The following URGCP variants were observed in gnomAD, a reference collection of about 807,000 sequenced individuals.
URGCP encodes upregulator of cell proliferation.
URGCP carries 13 observed loss-of-function variants against 24.6 expected under a neutral mutation model. The observed-to-expected ratio is 0.53, with a 90% CI of 0.34 to 0.84. The LOEUF is 0.84. URGCP is among the 40% of genes least tolerant of loss of function. The probability of loss-of-function intolerance (pLI) is 0.01; values close to 1 mark genes in which losing one functional copy is unlikely to be tolerated. For synonymous variants in URGCP, 444 were observed against 487.2 expected, an observed-to-expected ratio of 0.91 and a Z score of 1.17; for missense variants, 899 against 1,194.3, an observed-to-expected ratio of 0.75 and a Z score of 3.64.
chr7:43,886,710 G>A (rs1470099140), intron 3 of URGCP, among the ~76,000 whole-genome samples: 4 of 152,062 alleles, frequency 2.6e-5, no homozygotes, highest in South Asian at 2.1e-4. Context: ...CTGAGATCGC[G>A]CCACTGCATT....
chr7:43,882,958 G>A (rs1421173079), intron 3 of URGCP, among the ~76,000 whole-genome samples: 7 of 152,112 alleles, frequency 4.6e-5, no homozygotes, highest in Admixed American at 2.0e-4. Context: ...AGGAATTTTT[G>A]TAATCACTTA....
At chr7:43,902,999 G>A (rs530995745) in intron 1 of URGCP, among the ~76,000 whole-genome samples, 108 of 152,148 alleles carry the variant, frequency 7.1e-4, no homozygotes, top group African/African-American at 2.5e-3. Flanking sequence ...CAAAATGTAG[G>A]TAGACTGGGC....
chr7:43,886,884 C>T (rs776727191), intron 3 of URGCP, among the ~76,000 whole-genome samples: 3 of 152,106 alleles, frequency 2.0e-5, no homozygotes, highest in African/African-American at 4.8e-5. Flanking sequence ...CAAAGGGTGG[C>T]GTTACAGCCC....
At chr7:43,907,838 C>T (rs1023745304), upstream of URGCP, among the ~76,000 whole-genome samples, 4 of 152,182 alleles carry the variant, frequency 2.6e-5, no homozygotes, top group Non-Finnish European at 5.9e-5. Flanking sequence ...AGAATCCAGT[C>T]AATGTTTCTG....
chr7:43,877,768 G>A lies in URGCP; in HGVS notation c.1695C>T (p.Tyr565=), dbSNP rs778668738. Residue 565 remains tyrosine, a synonymous_variant, in exon 6 of 6, where the codon TAC becomes TAT. Coordinates refer to ENST00000453200, the MANE Select transcript of URGCP (RefSeq NM_001077663.3). Reference sequence around the variant, plus strand: ...GGCCCCACTCCATCCACCTCAGGAAGTACTGCTTCTCACTCAAGGAGGGGC... The same window carrying A: ...GGCCCCACTCCATCCACCTCAGGAAATACTGCTTCTCACTCAAGGAGGGGC... ...ISSPSLSEKQ[Y]FLRWMEWGLA... 2 of 1,603,478 alleles carry A rather than the reference G, an allele frequency of 1.2e-6. No individual in the cohort carries two copies. The highest frequency in any genetic ancestry group is 1.7e-6 in the Non-Finnish European group (2 of 1,174,804).
chr7:43,918,633 TG>T, intron 1 of URGCP: 2 of 582,916 alleles, frequency 3.4e-6, no homozygotes, highest in Non-Finnish European at 6.3e-6. Context: ...AGTGGATATC[TG>T]GGGGGCTGGC....
At chr7:43,926,503 G>C (rs975543031), upstream of URGCP, 6 of 1,509,480 alleles carry the variant, frequency 4.0e-6, no homozygotes, top group African/African-American at 5.7e-5. Context: ...GCCCCGGCCG[G>C]GCCGCCCGGG....
chr7:43,897,455 C>G (rs2095880731), intron 1 of URGCP, among the ~76,000 whole-genome samples: 2 of 151,974 alleles, frequency 1.3e-5, no homozygotes, highest in African/African-American at 4.8e-5. Context: ...TACCCAGGGA[C>G]CAACAGGGAG....
upstream of URGCP, among the ~76,000 whole-genome samples, chr7:43,907,417 G>A (rs1156907147): frequency 6.6e-6 from 1 of 152,138 alleles, no homozygotes; most frequent in Non-Finnish European, 1.5e-5. Context: ...AGGATCGATT[G>A]AGCCCAGGAG....
chr7:43,886,332 G>A (rs2095862059), intron 3 of URGCP, among the ~76,000 whole-genome samples: 1 of 151,852 alleles, frequency 6.6e-6, no homozygotes, highest in Admixed American at 6.6e-5. Flanking sequence ...ATATTTTTGT[G>A]GATTTTTGTT....
intron 1 of URGCP, among the ~76,000 whole-genome samples, chr7:43,899,295 T>G (rs2095885280): frequency 6.7e-6 from 1 of 148,734 alleles, no homozygotes; most frequent in Admixed American, 6.7e-5. Context: ...TTTTTTTTTT[T>G]TTTTTTAAGA....
chr7:43,926,585 T>G, upstream of URGCP: 2 of 1,559,458 alleles, frequency 1.3e-6, no homozygotes, highest in Non-Finnish European at 1.7e-6. Context: ...TCCAACTCTT[T>G]GGGTGTCCGA....
rs1218646420 is a variant in URGCP at position 43,879,058 on chromosome 7, C to G, written c.405G>C (p.Val135=). The G allele has an allele frequency of 4.3e-6, 7 of 1,614,086 alleles. No homozygotes were observed. Among genetic ancestry groups the G allele is most frequent in the Non-Finnish European group, 5.9e-6 (7 of 1,180,044 alleles). Residue 135 remains valine, a synonymous_variant, in exon 6 of 6, where the codon GTG becomes GTC. Transcript: ENST00000453200. The part of the protein sequence containing the change: ...LNADARNTTM[V]LDVLPDARPV... ...GCCTGGCGTCTGGGAGCACGTCCAG[C>G]ACCATAGTGGTATTCCTGGCATCAG...
At chr7:43,891,437 T>G (rs917489933) in intron 1 of URGCP, among the ~76,000 whole-genome samples, 1 of 152,068 alleles carries the variant, frequency 6.6e-6, no homozygotes, top group Non-Finnish European at 1.5e-5. Flanking sequence ...AGAAAGCACA[T>G]AAGCTGTAAG....
intron 5 of URGCP, among the ~76,000 whole-genome samples, chr7:43,880,164 C>A (rs2095851652): frequency 6.6e-6 from 1 of 152,100 alleles, no homozygotes; most frequent in Non-Finnish European, 1.5e-5. Flanking sequence ...CTCAAGCAAT[C>A]CACCTGTCTA....
chr7:43,883,337 C>CATATATATAT (rs1215710880), intron 3 of URGCP, among the ~76,000 whole-genome samples: 5 of 105,452 alleles, frequency 4.7e-5, no homozygotes, highest in Middle Eastern at 6.1e-3. Flanking sequence ...TATATATATA[C>CATATATATAT]ATATATATAT....
intron 1 of URGCP, among the ~76,000 whole-genome samples, chr7:43,920,264 A>T (rs772160200): frequency 3.9e-5 from 6 of 152,068 alleles, no homozygotes; most frequent in Non-Finnish European, 8.8e-5. Context: ...AATTTTTTTT[A>T]AAAAGTGGAT....
chr7:43,905,219 G>A (rs1196082057), intron 1 of URGCP, among the ~76,000 whole-genome samples: 1 of 149,764 alleles, frequency 6.7e-6, no homozygotes, highest in Admixed American at 6.6e-5. Context: ...TTAAAGCTTC[G>A]TTCAGGGCAG....
In URGCP at chr7:43,890,547, C is replaced by T. The variant is rs533539977; in HGVS notation, c.15-2731G>A. 1.2e-4 allele frequency among the ~76,000 whole-genome samples: 18 copies of T among 152,252 alleles called. No individual in the cohort carries two copies. In the East Asian group the frequency reaches 3.3e-3, roughly 28 times the overall value. Reference sequence around the variant, plus strand: ...GCAATTTTTAAAAGGTAAATATTCTCTTGGTATTCAGAATACAGTCAGAAC... The same window carrying T: ...GCAATTTTTAAAAGGTAAATATTCTTTTGGTATTCAGAATACAGTCAGAAC... On this transcript the variant is annotated intron_variant, in intron 1 of 5. Coordinates refer to ENST00000453200, the MANE Select transcript of URGCP (RefSeq NM_001077663.3).
Sources: allele counts gnomAD v4.1 joint callset (sites outside exome capture counted in the v4.1 genomes callset), GRCh38; gene constraint gnomAD v4.1.1; transcripts MANE v1.5; gene names NCBI Gene and HGNC (gene_info 2026-07-23, HGNC 2026-07-21).